SNTG1: variants seen among roughly 807,000 people sequenced by gnomAD.
SNTG1 encodes the protein syntrophin gamma 1.
In SNTG1, 39 loss-of-function variants were observed where a neutral mutation model predicts 74.7. The observed-to-expected ratio is 0.52, with a 90% CI of 0.40 to 0.68. The LOEUF (loss-of-function observed/expected upper bound fraction) is 0.68. SNTG1 is among the 30% of genes least tolerant of loss of function. The pLI, the probability that SNTG1 is intolerant of heterozygous loss-of-function variation, is 0.00. For synonymous variants in SNTG1, 254 were observed against 217.1 expected (o/e 1.17, Z -1.49); for missense variants, 685 against 609.5 (o/e 1.12, Z -1.30).
intron 17 of SNTG1, among the ~76,000 whole-genome samples, chr8:50,726,761 A>C (rs1052622946): frequency 3.9e-4 from 60 of 152,314 alleles, no homozygotes; most frequent in African/African-American, 1.4e-3. Context: ...AAGCGGGAGA[A>C]AGGCGTGAAA....
At chr8:50,389,326 G>C (rs80034321) in intron 2 of SNTG1, among the ~76,000 whole-genome samples, 1 of 152,170 alleles carries the variant, frequency 6.6e-6, no homozygotes, top group East Asian at 1.9e-4. Context: ...ATGAATGATT[G>C]GTTATTGGAA....
chr8:50,326,906 G>T (rs563174027), intron 2 of SNTG1, among the ~76,000 whole-genome samples: 1 of 151,554 alleles, frequency 6.6e-6, no homozygotes, highest in African/African-American at 2.4e-5. Flanking sequence ...TATTTACTTT[G>T]TTTGAAATAT....
intron 2 of SNTG1, among the ~76,000 whole-genome samples, chr8:50,275,110 G>A (rs1027369909): frequency 3.9e-5 from 6 of 152,036 alleles, no homozygotes; most frequent in African/African-American, 2.4e-5. Flanking sequence ...TATTTTGGAA[G>A]GGATTTTAAA....
At chr8:50,525,288 T>C (rs2094211047) in intron 9 of SNTG1, among the ~76,000 whole-genome samples, 1 of 152,204 alleles carries the variant, frequency 6.6e-6, no homozygotes, top group Admixed American at 6.5e-5. Flanking sequence ...ATTTTTTTCT[T>C]GCAGCTTTCA....
At chr8:50,079,402 G>A (rs1046985654) in intron 1 of SNTG1, among the ~76,000 whole-genome samples, 20 of 144,314 alleles carry the variant, frequency 1.4e-4, no homozygotes, top group Non-Finnish European at 7.6e-5. Context: ...TTTTTGATGG[G>A]GTTGTTTGTT....
intron 18 of SNTG1, among the ~76,000 whole-genome samples, chr8:50,791,870 C>A (rs964808502): frequency 1.3e-5 from 2 of 151,760 alleles, no homozygotes; most frequent in South Asian, 2.1e-4. Flanking sequence ...ATAATACTAG[C>A]AACATCATCT....
At chr8:50,405,556 A>C (rs79903455) in intron 4 of SNTG1, among the ~76,000 whole-genome samples, 7,116 of 152,104 alleles carry the variant, frequency 0.047, 217 homozygotes, top group Middle Eastern at 0.095. Flanking sequence ...CTAGTCCCTT[A>C]TCAGATATGT....
intron 15 of SNTG1, among the ~76,000 whole-genome samples, chr8:50,672,390 G>A (rs886554638): frequency 1.3e-5 from 2 of 152,050 alleles, no homozygotes; most frequent in Non-Finnish European, 2.9e-5. Context: ...ACTAGCATGA[G>A]ATGGTATCTC....
At position 50,414,187 on chromosome 8, in the gene SNTG1, T is replaced by C. The variant is rs141528017; in HGVS notation, c.162+11843T>C. ...CTCAGTTTGGCTCTATAATGTGTTA[T>C]GAAGATAGAATTTACAATTAGTTCT... On this transcript the variant is annotated intron_variant, in intron 4 of 18. Coordinates refer to ENST00000642720, the MANE Select transcript of SNTG1 (RefSeq NM_018967.5). 3.9e-5 allele frequency among the ~76,000 whole-genome samples: 6 copies of C among 152,312 alleles called. No homozygotes were observed. In the East Asian group the frequency reaches 9.7e-4, roughly 25 times the overall value.
At chr8:50,291,983 G>A (rs535429775) in intron 2 of SNTG1, among the ~76,000 whole-genome samples, 3 of 151,858 alleles carry the variant, frequency 2.0e-5, no homozygotes, top group African/African-American at 7.3e-5. Context: ...AGCAGAATGA[G>A]GAAAGGTGTG....
intron 9 of SNTG1, among the ~76,000 whole-genome samples, chr8:50,527,847 A>G (rs1187209827): frequency 1.3e-5 from 2 of 151,942 alleles, no homozygotes; most frequent in African/African-American, 4.8e-5. Flanking sequence ...CTTCTCAGCA[A>G]TATATTAGTC....
chr8:50,743,283 A>G (rs1309933495), intron 17 of SNTG1, among the ~76,000 whole-genome samples: 2 of 151,932 alleles, frequency 1.3e-5, no homozygotes, highest in African/African-American at 4.8e-5. Flanking sequence ...ACTCAGCAAC[A>G]TATTAAAAGG....
intron 1 of SNTG1, among the ~76,000 whole-genome samples, chr8:50,047,314 T>C (rs1159283240): frequency 6.6e-6 from 1 of 151,954 alleles, no homozygotes; most frequent in Non-Finnish European, 1.5e-5. Flanking sequence ...GCTCTAGCCT[T>C]GGTGACACAG....
At chr8:49,951,713 C>T (rs1267098645) in intron 1 of SNTG1, among the ~76,000 whole-genome samples, 1 of 150,898 alleles carries the variant, frequency 6.6e-6, no homozygotes, top group African/African-American at 2.4e-5. Context: ...ACATATGTAA[C>T]TAACCTGCAC....
At chr8:50,101,434 C>A (rs2080120106) in intron 1 of SNTG1, among the ~76,000 whole-genome samples, 1 of 152,126 alleles carries the variant, frequency 6.6e-6, no homozygotes. Context: ...ACAACTTCTT[C>A]AGCATCGTTA....
chr8:50,668,037 G>A (rs1244050652), intron 15 of SNTG1, among the ~76,000 whole-genome samples: 1 of 151,994 alleles, frequency 6.6e-6, no homozygotes, highest in Non-Finnish European at 1.5e-5. Context: ...TCCTCGTTCT[G>A]TCTATGAACA....
In SNTG1 at chr8:50,458,136, T is replaced by C. The variant is rs559179491; in HGVS notation, c.363+7407T>C. On this transcript the variant is annotated intron_variant, in intron 8 of 18. Transcript: ENST00000642720. ...CAGTGTCTCACTCTCAAATATTTTG[T>C]AATACCAAAGGATCATTAAGATTTG... 253 of 151,602 alleles carry C rather than the reference T, an allele frequency of 1.7e-3. 1 individual carries two copies. The highest frequency in any genetic ancestry group is 5.9e-3 in the African/African-American group (243 of 41,368). The allele number at this position is 151,602 out of a possible 1,614,324, so 9.4% of individuals were successfully genotyped here.
chr8:50,231,629 G>A (rs1045717705), intron 2 of SNTG1, among the ~76,000 whole-genome samples: 1 of 151,308 alleles, frequency 6.6e-6, no homozygotes, highest in African/African-American at 2.4e-5. Flanking sequence ...AAACAAGAAA[G>A]ACTGATTCCA....
At chr8:50,306,658 C>T (rs1002718840) in intron 2 of SNTG1, among the ~76,000 whole-genome samples, 18 of 151,260 alleles carry the variant, frequency 1.2e-4, no homozygotes, top group African/African-American at 3.4e-4. Flanking sequence ...GTGATGTTGG[C>T]CATTTTTTCT....
Sources: gnomAD v4.1 joint callset for allele counts (sites outside exome capture counted in the v4.1 genomes callset) on GRCh38, gnomAD v4.1.1 for gene constraint, MANE v1.5 for transcripts, NCBI Gene and HGNC (gene_info 2026-07-23, HGNC 2026-07-21) for gene names.